Variants in ZNF385D observed in about 807,000 individuals in gnomAD.
ZNF385D encodes the protein zinc finger protein 659.
A neutral mutation model predicts 35.8 loss-of-function variants in ZNF385D; 15 were observed. The observed-to-expected ratio is 0.42, with a 90% CI of 0.28 to 0.64. ZNF385D has a LOEUF of 0.64. ZNF385D is among the 30% of genes least tolerant of loss of function. The pLI is 0.23. For missense variants in ZNF385D, 474 were observed against 494.6 expected (o/e 0.96, Z 0.39); for synonymous variants, 212 against 186.8 (o/e 1.13, Z -1.10).
chr3:21,787,531 C>A (rs1000715689), intron 3 of ZNF385D, among the ~76,000 whole-genome samples: 3 of 152,040 alleles, frequency 2.0e-5, no homozygotes, highest in Non-Finnish European at 4.4e-5. Context: ...GAGTAGAAGC[C>A]CTTTCTTAGG....
chr3:22,156,219 G>A (rs1705570395), intron 3 of ZNF385D, among the ~76,000 whole-genome samples: 2 of 147,528 alleles, frequency 1.4e-5, no homozygotes, highest in African/African-American at 4.8e-5. Context: ...ATCCTCAAGT[G>A]AAGGTGTAAC....
intron 3 of ZNF385D, among the ~76,000 whole-genome samples, chr3:21,917,777 G>C (rs918159404): frequency 1.3e-5 from 2 of 152,100 alleles, no homozygotes; most frequent in African/African-American, 4.8e-5. Flanking sequence ...TACCCTCAGT[G>C]GCTAAGTGGA....
intron 1 of ZNF385D, among the ~76,000 whole-genome samples, chr3:21,709,753 A>G (rs1294222645): frequency 6.6e-6 from 1 of 152,234 alleles, no homozygotes; most frequent in Non-Finnish European, 1.5e-5. Context: ...AGTTTTGTAT[A>G]AAGTTAGATA....
At chr3:21,795,370 A>G (rs1290878299) in intron 3 of ZNF385D, among the ~76,000 whole-genome samples, 1 of 152,212 alleles carries the variant, frequency 6.6e-6, no homozygotes, top group Admixed American at 6.5e-5. Context: ...AGATGGTTTT[A>G]TTAGTGGCCA....
chr3:21,976,887 C>G (rs1379348295), intron 3 of ZNF385D, among the ~76,000 whole-genome samples: 1 of 152,082 alleles, frequency 6.6e-6, no homozygotes, highest in Non-Finnish European at 1.5e-5. Flanking sequence ...ACTTGGGAGG[C>G]TGAGGAAGGA....
chr3:22,217,681 T>C (rs1034567558), intron 2 of ZNF385D, among the ~76,000 whole-genome samples: 1 of 152,126 alleles, frequency 6.6e-6, no homozygotes, highest in African/African-American at 2.4e-5. Flanking sequence ...ACATTACATG[T>C]TATGGCAAAT....
chr3:22,267,837 C>T (rs1700973615), intron 2 of ZNF385D, among the ~76,000 whole-genome samples: 1 of 151,840 alleles, frequency 6.6e-6, no homozygotes, highest in Non-Finnish European at 1.5e-5. Flanking sequence ...GTACACTTTT[C>T]ATATTTTATG....
intron 3 of ZNF385D, among the ~76,000 whole-genome samples, chr3:22,063,977 A>G (rs768559386): frequency 7.2e-5 from 11 of 152,190 alleles, no homozygotes; most frequent in Non-Finnish European, 1.5e-4. Context: ...GCATGCCCCA[A>G]TACAGTTGCT....
At chr3:22,242,759 C>T (rs1483009904) in intron 2 of ZNF385D, among the ~76,000 whole-genome samples, 1 of 150,898 alleles carries the variant, frequency 6.6e-6, no homozygotes, top group African/African-American at 2.5e-5. Flanking sequence ...ATGGATTATA[C>T]CAATTTTAAT....
chr3:22,293,522 T>C (rs1263536237), intron 2 of ZNF385D, among the ~76,000 whole-genome samples: 4 of 152,138 alleles, frequency 2.6e-5, no homozygotes, highest in East Asian at 1.9e-4. Flanking sequence ...AAGCTAATTA[T>C]AGCAGTGTTA....
chr3:22,347,079 A>C (rs1215210857), intron 2 of ZNF385D, among the ~76,000 whole-genome samples: 2 of 151,922 alleles, frequency 1.3e-5, no homozygotes, highest in African/African-American at 4.9e-5. Flanking sequence ...CACTGCAAAA[A>C]TGAAAGTGAC....
At chr3:22,150,268 A>C (rs1205195824) in intron 3 of ZNF385D, among the ~76,000 whole-genome samples, 1 of 152,152 alleles carries the variant, frequency 6.6e-6, no homozygotes, top group Admixed American at 6.6e-5. Flanking sequence ...CCTCATATAC[A>C]TCTCAAAGCT....
intron 3 of ZNF385D, among the ~76,000 whole-genome samples, chr3:22,013,835 C>A (rs1054943638): frequency 6.6e-6 from 1 of 152,028 alleles, no homozygotes; most frequent in Admixed American, 6.6e-5. Flanking sequence ...TCCACAGCAA[C>A]CCCCTCCCCC....
intron 3 of ZNF385D, among the ~76,000 whole-genome samples, chr3:21,807,943 T>C (rs565959935): frequency 3.3e-5 from 5 of 152,348 alleles, no homozygotes; most frequent in Middle Eastern, 3.4e-3. Flanking sequence ...CTCTGATATT[T>C]GCATTGTCTC....
chr3:22,330,563 C>A (rs1694887393), intron 2 of ZNF385D, among the ~76,000 whole-genome samples: 1 of 151,974 alleles, frequency 6.6e-6, no homozygotes, highest in African/African-American at 2.4e-5. Flanking sequence ...ATTTCAGGGC[C>A]CCCGTCTGCT....
chr3:22,025,936 A>C (rs1484100816), intron 3 of ZNF385D, among the ~76,000 whole-genome samples: 1 of 152,136 alleles, frequency 6.6e-6, no homozygotes, highest in Non-Finnish European at 1.5e-5. Flanking sequence ...GAATAATTGG[A>C]TCTCAAGGTG....
Position 22,342,004 on chromosome 3 carries a change from G to A in ZNF385D, c.106+30446C>T, listed in dbSNP as rs534654825. Among the ~76,000 whole-genome samples, 40 of 152,078 alleles carry A rather than the reference G, an allele frequency of 2.6e-4. No homozygotes were observed. The South Asian group carries it at 7.3e-3, about 28-fold the overall frequency. On this transcript the variant is annotated intron_variant, in intron 2 of 5. Coordinates refer to the ZNF385D transcript ENST00000494108. ...TAAAAGACTGAATGAGGCCGGGCGCGGTGGCTCACGTCTGTAATCCCAGCA... is the reference window on the plus strand; with the variant it reads ...TAAAAGACTGAATGAGGCCGGGCGCAGTGGCTCACGTCTGTAATCCCAGCA...
intron 2 of ZNF385D, among the ~76,000 whole-genome samples, chr3:22,202,465 A>C (rs1223253879): frequency 6.6e-6 from 1 of 152,056 alleles, no homozygotes; most frequent in Non-Finnish European, 1.5e-5. Flanking sequence ...GGGTGCCTTG[A>C]AAATGTTCAT....
Position 22,107,855 on chromosome 3 carries a change from C to T in ZNF385D, c.325+60962G>A, listed in dbSNP as rs150141458. ...GAATGGCATGGTTTGAATGTGTCTG[C>T]TTCAAAATTCAGGTGTTGTCAATGT... On this transcript the variant is annotated intron_variant, in intron 3 of 5. Transcript: ENST00000494108. 1.7e-3 allele frequency among the ~76,000 whole-genome samples: 264 copies of T among 151,914 alleles called. 1 individual carries two copies. Among genetic ancestry groups the T allele is most frequent in the Non-Finnish European group, 2.9e-3 (198 of 67,972 alleles).
Sources: allele counts gnomAD v4.1 joint callset (sites outside exome capture counted in the v4.1 genomes callset), GRCh38; gene constraint gnomAD v4.1.1; transcripts MANE v1.5; gene names NCBI Gene and HGNC (gene_info 2026-07-23, HGNC 2026-07-21).